GRIA3: variants seen among roughly 807,000 people sequenced by gnomAD.
The protein encoded by GRIA3 is glutamate ionotropic receptor AMPA type subunit 3, also known as glutamate receptor 3.
A neutral mutation model predicts 63.0 loss-of-function variants in GRIA3; 3 were observed. The ratio of observed to expected loss-of-function variants is 0.05; its 90% CI spans 0.02 to 0.12. GRIA3 has a LOEUF of 0.12. Ranked by LOEUF, GRIA3 falls within the 10% of genes least tolerant of loss-of-function variation. GRIA3 has a pLI of 1.00. For synonymous variants in GRIA3, 274 were observed against 257.9 expected (o/e 1.06, Z -0.60); for missense variants, 347 against 700.9 (o/e 0.50, Z 5.70).
At chrX:123,339,217 T>A (rs1050996057) in intron 4 of GRIA3, among the ~76,000 whole-genome samples, 1 of 112,193 alleles carries the variant, frequency 8.9e-6, no homozygotes, top group Admixed American at 9.5e-5. Context: ...CTTCATAGAA[T>A]CTACATAAAT....
At chrX:123,232,366 C>T (rs1475228006) in intron 2 of GRIA3, among the ~76,000 whole-genome samples, 1 of 111,593 alleles carries the variant, frequency 9.0e-6, no homozygotes, top group Admixed American at 9.5e-5. Context: ...AATGTGCCTA[C>T]CATCTAGTCC....
chrX:123,335,368 T>C (rs1172994748), intron 4 of GRIA3, among the ~76,000 whole-genome samples: 2 of 111,807 alleles, frequency 1.8e-5, no homozygotes, highest in African/African-American at 6.5e-5. Flanking sequence ...TCAGCCCTTC[T>C]AGGAAATACC....
intron 2 of GRIA3, among the ~76,000 whole-genome samples, chrX:123,225,341 G>A (rs182025085): frequency 1.8e-5 from 2 of 112,289 alleles, no homozygotes; most frequent in Non-Finnish European, 3.8e-5. Context: ...CACGGAGCGA[G>A]TACCCAATAA....
chrX:123,359,299 G>A (rs1339797750), intron 5 of GRIA3, among the ~76,000 whole-genome samples: 1 of 112,017 alleles, frequency 8.9e-6, no homozygotes, highest in Non-Finnish European at 1.9e-5. Flanking sequence ...CTCAGTCAAT[G>A]TAAATAAAAA....
intron 5 of GRIA3, among the ~76,000 whole-genome samples, chrX:123,391,421 C>T (rs1365361352): frequency 9.0e-6 from 1 of 111,485 alleles, no homozygotes; most frequent in Non-Finnish European, 1.9e-5. Context: ...TAAACAGCAT[C>T]AGTAGTATTT....
intron 3 of GRIA3, among the ~76,000 whole-genome samples, chrX:123,283,526 T>C (rs994572377): frequency 1.8e-5 from 2 of 111,577 alleles, no homozygotes; most frequent in Non-Finnish European, 3.8e-5. Context: ...CACAGCACTC[T>C]GAAGTCGACC....
intron 4 of GRIA3, among the ~76,000 whole-genome samples, chrX:123,345,812 A>C (rs753044508): frequency 3.4e-4 from 37 of 109,918 alleles, no homozygotes; most frequent in Non-Finnish European, 6.1e-4. Flanking sequence ...CTACCTTTTG[A>C]GCTTGGGGAA....
chrX:123,248,123 C>T (rs745798530), intron 2 of GRIA3, among the ~76,000 whole-genome samples: 6 of 112,199 alleles, frequency 5.3e-5, no homozygotes, highest in Non-Finnish European at 9.4e-5. Flanking sequence ...CATGAATGAA[C>T]GTATTTTAAC....
At chrX:123,356,530 T>C (rs968296700) in intron 5 of GRIA3, among the ~76,000 whole-genome samples, 2 of 112,069 alleles carry the variant, frequency 1.8e-5, no homozygotes, top group African/African-American at 6.5e-5. Flanking sequence ...TAGAAAAATA[T>C]AAAACTAGCA....
chrX:123,381,125 C>T (rs111439863), intron 5 of GRIA3, among the ~76,000 whole-genome samples: 11,361 of 111,557 alleles, frequency 0.1, 527 homozygotes, highest in Non-Finnish European at 0.15. Flanking sequence ...ATTTTATTCT[C>T]ATCTCTTTTA....
chrX:123,375,200 G>T (rs1767854750), intron 5 of GRIA3, among the ~76,000 whole-genome samples: 1 of 111,678 alleles, frequency 9.0e-6, no homozygotes, highest in Admixed American at 9.5e-5. Flanking sequence ...TGATCATATG[G>T]TTTTTGTCCT....
Position 123,202,531 on chromosome X carries a change from A to G in GRIA3, c.268+16541A>G. ...CACTGTGGCCTGGACAGTGTACATC[A>G]AGGTTCACCCTCTTTCCTCAATCTT... On this transcript the variant is annotated intron_variant, in intron 2 of 15. Transcript: ENST00000620443. 7 of 830,641 alleles carry G rather than the reference A, an allele frequency of 8.4e-6. No individual in the cohort carries two copies. In the South Asian group the frequency reaches 1.8e-4, roughly 22 times the overall value. 68.5% of individuals were successfully genotyped at this position (830,641 alleles called of 1,213,427 possible).
intron 10 of GRIA3, among the ~76,000 whole-genome samples, chrX:123,406,359 C>T (rs1329995074): frequency 8.9e-6 from 1 of 111,830 alleles, no homozygotes; most frequent in Non-Finnish European, 1.9e-5. Context: ...GAAGCTCCAG[C>T]TGGCAAGAAG....
chrX:123,396,106 G>A (rs1198263651), intron 6 of GRIA3, among the ~76,000 whole-genome samples: 2 of 107,869 alleles, frequency 1.9e-5, no homozygotes, highest in African/African-American at 3.4e-5. Context: ...CTTGGGTGGC[G>A]GAGGCAGGAG....
rs77904751 is a variant in GRIA3, at chrX:123,386,971, A to AT, written c.751-7988dup. ...TTATTCATTCCAAGTGAATTTTAGGATTTTTTTTTCTATTTTCTGTGAAAT... is the reference window on the plus strand; with the variant it reads ...TTATTCATTCCAAGTGAATTTTAGGATTTTTTTTTTCTATTTTCTGTGAAAT... On this transcript the variant is annotated intron_variant, in intron 5 of 15. Coordinates refer to ENST00000620443, the MANE Select transcript of GRIA3 (RefSeq NM_007325.5). Among the ~76,000 whole-genome samples, 40 of 108,489 alleles carry AT rather than the reference A, an allele frequency of 3.7e-4. No homozygotes were observed. The South Asian group carries it at 8.8e-3, about 24-fold the overall frequency. 94.2% of individuals were successfully genotyped at this position (108,489 alleles called of 115,157 possible). A position where few individuals can be genotyped will look rare whatever the true frequency, so the allele number is the denominator to read the frequency against.
chrX:123,224,137 G>T (rs1254327982), intron 2 of GRIA3, among the ~76,000 whole-genome samples: 1 of 111,581 alleles, frequency 9.0e-6, no homozygotes, highest in Non-Finnish European at 1.9e-5. Flanking sequence ...TTCCTTCTCT[G>T]ACTTCTGTGA....
At chrX:123,280,623 G>A (rs954312988) in intron 3 of GRIA3, among the ~76,000 whole-genome samples, 2 of 111,966 alleles carry the variant, frequency 1.8e-5, no homozygotes, top group East Asian at 5.6e-4. Flanking sequence ...TTAAAAATAT[G>A]ATTGAATCTT....
At chrX:123,477,270 A>G (rs936461606) in intron 13 of GRIA3, among the ~76,000 whole-genome samples, 16 of 112,839 alleles carry the variant, frequency 1.4e-4, no homozygotes, top group Non-Finnish European at 3.0e-4. Flanking sequence ...TATTTACCAC[A>G]TCAGAAATTA....
intron 2 of GRIA3, chrX:123,204,698 G>A: frequency 1.0e-6 from 1 of 989,447 alleles, no homozygotes; most frequent in South Asian, 3.1e-5. Flanking sequence ...GTGTTCAGTT[G>A]TGTGGGTGTA....
Sources: gnomAD v4.1 joint callset for allele counts (sites outside exome capture counted in the v4.1 genomes callset) on GRCh38, gnomAD v4.1.1 for gene constraint, MANE v1.5 for transcripts, NCBI Gene and HGNC (gene_info 2026-07-23, HGNC 2026-07-21) for gene names.